ARHGAP42: variants seen among roughly 807,000 people sequenced by gnomAD.
ARHGAP42 encodes rho GTPase-activating protein 42.
ARHGAP42 carries 63 observed loss-of-function variants against 125.0 expected under a neutral mutation model. The ratio of observed to expected loss-of-function variants is 0.50; its 90% confidence interval spans 0.41 to 0.62. The LOEUF (loss-of-function observed/expected upper bound fraction) is 0.62, where lower values mean the gene tolerates loss of function less well. Ranked by LOEUF, ARHGAP42 falls within the 20% of genes least tolerant of loss-of-function variation. ARHGAP42 has a pLI of 0.00. For missense variants in ARHGAP42, 766 were observed against 1,024.2 expected, an observed-to-expected ratio of 0.75 and a Z score of 3.44; for synonymous variants, 339 against 351.0, an observed-to-expected ratio of 0.97 and a Z score of 0.38.
Position 100,835,316 on chromosome 11 carries a change from T to G in ARHGAP42, c.313-24238T>G, listed in dbSNP as rs185840063. ...TTTATATTCTGTATATACATTATCT[T>G]TACAGTTATACATGCACGTCGTAAT... On this transcript the variant is annotated intron_variant, in intron 3 of 23. Transcript: ENST00000298815. 1.1e-3 allele frequency among the ~76,000 whole-genome samples: 170 copies of G among 152,300 alleles called. 1 individual carries two copies. The highest frequency in any genetic ancestry group is 5.9e-4 in the Non-Finnish European group (40 of 68,008).
chr11:100,746,325 A>C (rs1862304123), intron 1 of ARHGAP42, among the ~76,000 whole-genome samples: 1 of 152,014 alleles, frequency 6.6e-6, no homozygotes, highest in Non-Finnish European at 1.5e-5. Context: ...CAGGGTGTGG[A>C]ACTTTGGGAT....
intron 12 of ARHGAP42, among the ~76,000 whole-genome samples, chr11:100,958,237 TG>T (rs1263153665): frequency 2.6e-5 from 4 of 151,750 alleles, no homozygotes; most frequent in African/African-American, 7.2e-5. Context: ...AGTGTTATGC[TG>T]GGCATTTTGG....
At chr11:100,819,076 T>C (rs1864344619) in intron 3 of ARHGAP42, among the ~76,000 whole-genome samples, 1 of 152,180 alleles carries the variant, frequency 6.6e-6, no homozygotes, top group African/African-American at 2.4e-5. Context: ...TGGGGTTACA[T>C]GATCAGAGCT....
intron 2 of ARHGAP42, among the ~76,000 whole-genome samples, chr11:100,787,049 G>A (rs1338492315): frequency 2.6e-5 from 4 of 151,978 alleles, no homozygotes; most frequent in Admixed American, 1.3e-4. Context: ...AGGCCGAGGC[G>A]GGTGGATCAC....
intron 3 of ARHGAP42, among the ~76,000 whole-genome samples, chr11:100,835,238 C>T (rs910149849): frequency 6.6e-6 from 1 of 152,086 alleles, no homozygotes; most frequent in East Asian, 1.9e-4. Flanking sequence ...AAGAGACCTC[C>T]AGCATTACAT....
At chr11:100,774,796 A>C (rs892809599) in intron 2 of ARHGAP42, among the ~76,000 whole-genome samples, 1 of 152,202 alleles carries the variant, frequency 6.6e-6, no homozygotes, top group South Asian at 2.1e-4. Context: ...GTGTAGGCCC[A>C]TGTCTGGCCT....
chr11:100,880,775 T>G lies in ARHGAP42; in HGVS notation c.384+21150T>G, dbSNP rs1280568843. ...CAACATCTATTATTTTTTGATTTTT[T>G]GATTGTGTCCATTCTTGCAGGAGCA... is the stretch of plus-strand genomic sequence containing the variant. On this transcript the variant is annotated intron_variant, in intron 4 of 23. Coordinates refer to ENST00000298815, the MANE Select transcript of ARHGAP42 (RefSeq NM_152432.4). Among the ~76,000 whole-genome samples, 4 of 152,212 alleles carry G rather than the reference T, an allele frequency of 2.6e-5. No homozygotes were observed. The East Asian group carries it at 5.8e-4, about 22-fold the overall frequency.
chr11:100,928,422 C>T (rs902367308), intron 6 of ARHGAP42, among the ~76,000 whole-genome samples: 3 of 151,870 alleles, frequency 2.0e-5, no homozygotes, highest in Admixed American at 6.6e-5. Context: ...ATGGCAAAAC[C>T]CCACCTCTAC....
rs2135320426 is a variant in ARHGAP42 at position 100,976,196 on chromosome 11, T to C, written c.1995T>C (p.Ile665=). ...AGAAATCTGGAGGGATTCCTTGGAT[T>C]GCAACCCCATCATCTTCCAATGGAC... ...PREKSGGIPW[I]ATPSSSNGQK... Residue 665 remains isoleucine, a synonymous_variant, in exon 20 of 24, where the codon ATT becomes ATC. Coordinates refer to ENST00000298815, the MANE Select transcript of ARHGAP42 (RefSeq NM_152432.4). 6.4e-7 allele frequency: 1 copy of C among 1,551,648 alleles called. No individual in the cohort carries two copies. The highest frequency in any genetic ancestry group is 2.4e-5 in the East Asian group (1 of 40,894).
At chr11:100,735,799 G>GCATTTTA (rs1862055596) in intron 1 of ARHGAP42, among the ~76,000 whole-genome samples, 1 of 151,766 alleles carries the variant, frequency 6.6e-6, no homozygotes, top group African/African-American at 2.4e-5. Flanking sequence ...TAGTAGAGAT[G>GCATTTTA]GGATTTCACT....
chr11:100,716,766 T>A (rs1861667846), intron 1 of ARHGAP42, among the ~76,000 whole-genome samples: 1 of 152,164 alleles, frequency 6.6e-6, no homozygotes. Flanking sequence ...ATAAGTCTTG[T>A]GAGAGATTTT....
chr11:100,911,446 G>A (rs1866914616), intron 4 of ARHGAP42, among the ~76,000 whole-genome samples: 1 of 151,996 alleles, frequency 6.6e-6, no homozygotes, highest in Non-Finnish European at 1.5e-5. Flanking sequence ...ATTATGAATG[G>A]CATTTATTTG....
intron 1 of ARHGAP42, among the ~76,000 whole-genome samples, chr11:100,745,773 G>A (rs1265805551): frequency 2.0e-5 from 3 of 152,106 alleles, no homozygotes; most frequent in Non-Finnish European, 4.4e-5. Flanking sequence ...GCCCCTAATT[G>A]CTCAGCTATT....
At chr11:100,806,729 G>A (rs1783076661) in intron 3 of ARHGAP42, among the ~76,000 whole-genome samples, 2 of 152,282 alleles carry the variant, frequency 1.3e-5, no homozygotes, top group South Asian at 4.1e-4. Context: ...AGAGTGAGAG[G>A]TGGTAGATCA....
intron 3 of ARHGAP42, among the ~76,000 whole-genome samples, chr11:100,838,745 T>C (rs1864874780): frequency 6.6e-6 from 1 of 152,050 alleles, no homozygotes; most frequent in South Asian, 2.1e-4. Flanking sequence ...ATCATAGTGT[T>C]TAAAAAAATC....
In ARHGAP42 at chr11:100,769,712, C is replaced by CTT. The variant is rs140626690; in HGVS notation, c.155-601_155-600dup. Among the ~76,000 whole-genome samples the CTT allele has an allele frequency of 2.3e-3, 180 of 78,086 alleles. 3 individuals are homozygous for CTT. Among genetic ancestry groups the CTT allele is most frequent in the Middle Eastern group, 9.6e-3 (1 of 104 alleles). 51.2% of individuals were successfully genotyped at this position (78,086 alleles called of 152,430 possible). A position where few individuals can be genotyped will look rare whatever the true frequency, so the allele number is the denominator to read the frequency against. ...ACCAGCAAGCTCAGTAGCATTCCTTCTTTTTTTTTTTTTTTTTTTTTTTTT... is the reference window on the plus strand; with the variant it reads ...ACCAGCAAGCTCAGTAGCATTCCTTCTTTTTTTTTTTTTTTTTTTTTTTTTTT... On this transcript the variant is annotated intron_variant, in intron 1 of 23. Coordinates refer to ENST00000298815, the MANE Select transcript of ARHGAP42 (RefSeq NM_152432.4).
chr11:100,811,248 G>T (rs1258562334), intron 3 of ARHGAP42, among the ~76,000 whole-genome samples: 1 of 152,150 alleles, frequency 6.6e-6, no homozygotes, highest in East Asian at 1.9e-4. Context: ...GAGCTACCAT[G>T]CCTGGCCAGA....
At chr11:100,718,157 C>T (rs1278818411) in intron 1 of ARHGAP42, among the ~76,000 whole-genome samples, 2 of 151,968 alleles carry the variant, frequency 1.3e-5, no homozygotes, top group Non-Finnish European at 2.9e-5. Context: ...CTTTTTATTC[C>T]AAAGGTATGT....
Position 100,943,822 on chromosome 11 carries a change from G to A in ARHGAP42, c.997G>A (p.Asp333Asn), listed in dbSNP as rs1216928562. 6.5e-7 allele frequency: 1 copy of A among 1,549,766 alleles called. No individual in the cohort carries two copies. The highest frequency in any genetic ancestry group is 8.7e-7 in the Non-Finnish European group (1 of 1,145,836). Residue 333 changes from aspartate (D) to asparagine (N), a missense_variant, in exon 10 of 24, where the codon GAT (aspartate) becomes AAT (asparagine). Transcript: ENST00000298815. ...AAAATCTTGTATCCGACGAAAGACA[G>A]ATTCAATTGACAAACGATTCTGCTT... ...KLKSCIRRKT[D>N]SIDKRFCFDI... is the part of the protein sequence containing the mutation.
Sources: allele counts gnomAD v4.1 joint callset (sites outside exome capture counted in the v4.1 genomes callset), GRCh38; gene constraint gnomAD v4.1.1; transcripts MANE v1.5; gene names NCBI Gene and HGNC (gene_info 2026-07-23, HGNC 2026-07-21).